The following NAALADL2 variants were observed in gnomAD, a reference collection of about 807,000 sequenced individuals.
NAALADL2 encodes inactive N-acetylated-alpha-linked acidic dipeptidase-like protein 2.
In NAALADL2, 76 loss-of-function variants were observed where a neutral mutation model predicts 87.2. The ratio of observed to expected loss-of-function variants is 0.87; its 90% CI spans 0.72 to 1.05. The LOEUF (loss-of-function observed/expected upper bound fraction) is 1.05, where lower values mean the gene tolerates loss of function less well. Among genes scored for constraint, NAALADL2 ranks in the 50% least tolerant of loss-of-function variants. The pLI, the probability that NAALADL2 is intolerant of heterozygous loss-of-function variation, is 0.00. For missense variants in NAALADL2, 1,089 were observed against 945.8 expected (o/e 1.15, Z -1.99); for synonymous variants, 354 against 331.0 (o/e 1.07, Z -0.75).
At chr3:175,176,794 G>A (rs1283259511) in intron 2 of NAALADL2, among the ~76,000 whole-genome samples, 1 of 152,040 alleles carries the variant, frequency 6.6e-6, no homozygotes, top group East Asian at 1.9e-4. Flanking sequence ...GAAAGGCAAG[G>A]AAATGAATTT....
intron 11 of NAALADL2, among the ~76,000 whole-genome samples, chr3:175,660,182 G>T (rs59726961): frequency 6.6e-6 from 1 of 151,954 alleles, no homozygotes. Flanking sequence ...ACTTCCTAAA[G>T]TCCCCACCTC....
At chr3:175,374,792 G>A (rs1018121331) in intron 5 of NAALADL2, among the ~76,000 whole-genome samples, 1 of 151,520 alleles carries the variant, frequency 6.6e-6, no homozygotes, top group Admixed American at 6.6e-5. Context: ...AGGATTACCT[G>A]AGCCTGGGGA....
chr3:174,783,167 T>G (rs1015913979), intron 3 of NAALADL2, among the ~76,000 whole-genome samples: 1 of 152,218 alleles, frequency 6.6e-6, no homozygotes, highest in African/African-American at 2.4e-5. Context: ...TTGCATCATC[T>G]TAAACATTTA....
At chr3:174,957,301 G>A (rs1057282688) in intron 1 of NAALADL2, among the ~76,000 whole-genome samples, 7 of 151,956 alleles carry the variant, frequency 4.6e-5, no homozygotes, top group Non-Finnish European at 8.8e-5. Context: ...GAGTCAGAAG[G>A]AAGAAAGGAG....
chr3:175,755,918 A>G (rs896799607), intron 13 of NAALADL2, among the ~76,000 whole-genome samples: 2 of 152,330 alleles, frequency 1.3e-5, no homozygotes, highest in African/African-American at 4.8e-5. Context: ...TTGGAGAGTC[A>G]CATGGAGTGC....
At chr3:175,799,849 A>G (rs1753930624) in intron 13 of NAALADL2, among the ~76,000 whole-genome samples, 1 of 152,098 alleles carries the variant, frequency 6.6e-6, no homozygotes, top group African/African-American at 2.4e-5. Context: ...TTACATTCGC[A>G]TGGTTGATAT....
At chr3:174,844,834 G>GTT (rs1560280732) in intron 3 of NAALADL2, among the ~76,000 whole-genome samples, 5 of 76,432 alleles carry the variant, frequency 6.5e-5, no homozygotes, top group African/African-American at 2.6e-4. Context: ...TAGTTCTAAT[G>GTT]GTTTTTTTTT....
At chr3:174,862,844 GC>G (rs1266827328) in intron 1 of NAALADL2, among the ~76,000 whole-genome samples, 1 of 152,002 alleles carries the variant, frequency 6.6e-6, no homozygotes, top group African/African-American at 2.4e-5. Flanking sequence ...TCTAATAATA[GC>G]TCTCCTTCTA....
intron 11 of NAALADL2, among the ~76,000 whole-genome samples, chr3:175,651,137 A>C (rs1191125332): frequency 3.3e-5 from 5 of 152,106 alleles, no homozygotes. Flanking sequence ...TATTGTGTAT[A>C]ATTCGTGTAT....
intron 5 of NAALADL2, among the ~76,000 whole-genome samples, chr3:175,385,219 T>A (rs748801659): frequency 2.6e-5 from 4 of 152,064 alleles, no homozygotes; most frequent in Non-Finnish European, 5.9e-5. Flanking sequence ...AAGAAAATTA[T>A]AAACAGAAAA....
At chr3:175,124,482 G>A (rs9812433) in intron 2 of NAALADL2, 1 of 151,722 alleles carries the variant, frequency 6.6e-6, no homozygotes, top group Non-Finnish European at 1.5e-5. Context: ...AAAGGCAACT[G>A]TAGCCACATT....
At chr3:175,150,056 C>A (rs1731319180) in intron 2 of NAALADL2, among the ~76,000 whole-genome samples, 2 of 152,126 alleles carry the variant, frequency 1.3e-5, no homozygotes, top group African/African-American at 2.4e-5. Flanking sequence ...TAGAAAGAGG[C>A]AATCATTTTA....
At chr3:175,180,188 A>G (rs1736259618) in intron 2 of NAALADL2, among the ~76,000 whole-genome samples, 1 of 151,996 alleles carries the variant, frequency 6.6e-6, no homozygotes, top group African/African-American at 2.4e-5. Context: ...AATTATGATT[A>G]TGTTCTGAGT....
At chr3:175,516,392 A>C (rs1044451753) in intron 9 of NAALADL2, among the ~76,000 whole-genome samples, 1 of 152,200 alleles carries the variant, frequency 6.6e-6, no homozygotes, top group Admixed American at 6.5e-5. Context: ...TTAGTGTTTA[A>C]GTGTATTGAT....
intron 4 of NAALADL2, among the ~76,000 whole-genome samples, chr3:175,290,287 A>T (rs973270355): frequency 1.3e-5 from 2 of 152,228 alleles, no homozygotes; most frequent in African/African-American, 4.8e-5. Context: ...AAGTGAATGA[A>T]TAAACAATTT....
At chr3:174,962,625 G>A (rs540283873) in intron 1 of NAALADL2, among the ~76,000 whole-genome samples, 4 of 151,868 alleles carry the variant, frequency 2.6e-5, no homozygotes, top group South Asian at 2.1e-4. Context: ...GAAGGGTACC[G>A]AGGACGGACT....
At chr3:175,510,404 G>T (rs1730999121) in intron 9 of NAALADL2, among the ~76,000 whole-genome samples, 1 of 152,004 alleles carries the variant, frequency 6.6e-6, no homozygotes, top group Non-Finnish European at 1.5e-5. Flanking sequence ...TCTCAGTTTT[G>T]TTCATTCCCA....
intron 1 of NAALADL2, among the ~76,000 whole-genome samples, chr3:175,059,039 G>A (rs1314004645): frequency 6.6e-6 from 1 of 152,118 alleles, no homozygotes; most frequent in Non-Finnish European, 1.5e-5. Context: ...TCTTCTGGTG[G>A]TGTATTGAAA....
At position 175,755,301 on chromosome 3, in the gene NAALADL2, T is replaced by C; in HGVS notation, c.2072T>C (p.Met691Thr). 1 of 1,613,726 alleles carries C rather than the reference T, an allele frequency of 6.2e-7. No individual in the cohort carries two copies. ...GCTGAACTTTTTCAGTCTGATGAGA[T>C]GCGACCTGCTAATGATCCCAAGGAG... ...ESAELFQSDE[M>T]RPANDPKERA... Residue 691 changes from methionine (M) to threonine (T), a missense_variant, in exon 13 of 14, where the codon ATG becomes ACG. Coordinates refer to ENST00000454872, the MANE Select transcript of NAALADL2 (RefSeq NM_207015.3).
Sources: gnomAD v4.1 joint callset for allele counts (sites outside exome capture counted in the v4.1 genomes callset) on GRCh38, gnomAD v4.1.1 for gene constraint, MANE v1.5 for transcripts, NCBI Gene and HGNC (gene_info 2026-07-23, HGNC 2026-07-21) for gene names.